Variants in PUDP observed in about 807,000 individuals in gnomAD.
PUDP encodes the protein pseudouridine 5'-phosphatase, also known as pseudouridine-5'-phosphatase.
Under a neutral mutation model 9.4 loss-of-function variants are expected in PUDP, and 8 were observed. The ratio of observed to expected loss-of-function variants is 0.85; its 90% CI spans 0.50 to 1.53. The LOEUF (loss-of-function observed/expected upper bound fraction) is 1.53. Ranked by LOEUF, PUDP falls within the 40% of genes most tolerant of loss-of-function variation. PUDP has a pLI of 0.00. For synonymous variants in PUDP, 99 were observed against 80.7 expected (o/e 1.23, Z -1.22); for missense variants, 188 against 189.7 (o/e 0.99, Z 0.05).
At chrX:6,772,930 G>C (rs1001114574) in intron 3 of PUDP, among the ~76,000 whole-genome samples, 2 of 112,051 alleles carry the variant, frequency 1.8e-5, no homozygotes, top group Admixed American at 1.9e-4. Context: ...CTGTTGATCT[G>C]ATTAGAAGGG....
chrX:6,786,945 C>T (rs1400882373), intron 3 of PUDP, among the ~76,000 whole-genome samples: 1 of 111,171 alleles, frequency 9.0e-6, no homozygotes, highest in Admixed American at 9.6e-5. Flanking sequence ...AGAGATCCTT[C>T]GATCCTTCAT....
intron 3 of PUDP, among the ~76,000 whole-genome samples, chrX:6,792,958 T>C (rs1034753938): frequency 1.2e-4 from 13 of 112,981 alleles, no homozygotes; most frequent in Non-Finnish European, 2.2e-4. Flanking sequence ...TTGAGGGGCA[T>C]AGGCCCATTT....
At chrX:7,104,426 T>A in intron 2 of PUDP, among the ~76,000 whole-genome samples, 1 of 112,075 alleles carries the variant, frequency 8.9e-6, no homozygotes, top group Non-Finnish European at 1.9e-5. Flanking sequence ...ACTTGTTCAA[T>A]GAGCACGAAG....
chrX:6,988,167 C>G (rs757808199), intron 1 of PUDP, among the ~76,000 whole-genome samples: 1 of 112,190 alleles, frequency 8.9e-6, no homozygotes, highest in East Asian at 2.8e-4. Context: ...CACGAAAAGG[C>G]AGATTTTCAA....
chrX:7,071,958 C>G (rs1203791897), intron 3 of PUDP, among the ~76,000 whole-genome samples: 1 of 110,230 alleles, frequency 9.1e-6, no homozygotes, highest in African/African-American at 3.3e-5. Flanking sequence ...TCATCATCAT[C>G]ATTATTATAT....
intron 2 of PUDP, among the ~76,000 whole-genome samples, chrX:7,105,348 T>G (rs1931848379): frequency 9.0e-6 from 1 of 111,319 alleles, no homozygotes; most frequent in African/African-American, 3.3e-5. Context: ...AATCTTTATA[T>G]ATAGTAATAT....
chrX:6,751,438 C>G (rs5989496), intron 3 of PUDP, among the ~76,000 whole-genome samples: 1 of 110,058 alleles, frequency 9.1e-6, no homozygotes, highest in Non-Finnish European at 1.9e-5. Context: ...GCACTAAGTT[C>G]TCACAATTGC....
chrX:6,881,138 G>A (rs749552293), intron 3 of PUDP, among the ~76,000 whole-genome samples: 4 of 112,215 alleles, frequency 3.6e-5, no homozygotes, highest in Non-Finnish European at 5.6e-5. Flanking sequence ...TATGGTCAAC[G>A]ATCTCAGGGT....
chrX:6,751,349 C>G (rs767954648), intron 3 of PUDP, among the ~76,000 whole-genome samples: 77 of 111,391 alleles, frequency 6.9e-4, no homozygotes, highest in African/African-American at 2.4e-3. Context: ...CCTTAGGTAA[C>G]TTGCTTGACA....
At chrX:6,920,452 T>C (rs935340804) in intron 3 of PUDP, among the ~76,000 whole-genome samples, 1 of 111,709 alleles carries the variant, frequency 9.0e-6, no homozygotes, top group Admixed American at 9.5e-5. Context: ...GAAAATTATC[T>C]TGGGCCCCCA....
intron 3 of PUDP, among the ~76,000 whole-genome samples, chrX:6,771,246 A>G (rs898850928): frequency 9.0e-6 from 1 of 111,592 alleles, no homozygotes; most frequent in African/African-American, 3.3e-5. Flanking sequence ...AAACCCATTT[A>G]ATAGATCTAC....
chrX:7,036,530 C>T (rs1212610254), intron 1 of PUDP, among the ~76,000 whole-genome samples: 2 of 109,983 alleles, frequency 1.8e-5, no homozygotes, highest in East Asian at 5.7e-4. Flanking sequence ...CCTACCACCC[C>T]CTCCCATCCC....
intron 3 of PUDP, among the ~76,000 whole-genome samples, chrX:6,826,373 C>A (rs901577069): frequency 4.5e-5 from 5 of 111,692 alleles, no homozygotes; most frequent in African/African-American, 1.6e-4. Context: ...GATTCAATGT[C>A]TCATTATTTA....
intron 3 of PUDP, among the ~76,000 whole-genome samples, chrX:6,733,613 G>A (rs1473869868): frequency 6.4e-5 from 7 of 109,566 alleles, no homozygotes; most frequent in Admixed American, 9.8e-5. Flanking sequence ...TCCAGAGAGA[G>A]ATGGTCCATA....
At chrX:6,860,705 C>T (rs1321092144) in intron 3 of PUDP, among the ~76,000 whole-genome samples, 2 of 111,516 alleles carry the variant, frequency 1.8e-5, no homozygotes, top group Non-Finnish European at 3.8e-5. Flanking sequence ...CTCCTGACCT[C>T]AGGTAATCCG....
Position 6,713,733 on chromosome X carries a change from C to T in PUDP, n.129-7267G>A. Among the ~76,000 whole-genome samples, 3 of 110,658 alleles carry T rather than the reference C, an allele frequency of 2.7e-5. 1 individual carries two copies. In the Middle Eastern group the frequency reaches 0.014, roughly 515 times the overall value. ...CTTGGCTGACACAACCAGGCCAGGG[C>T]ATAGGGTGTGGTCTGGGAGCCCGGG... On this transcript the variant is annotated intron_variant and non_coding_transcript_variant, in intron 1 of 2. Coordinates refer to the PUDP transcript ENST00000438499.
chrX:7,140,431 C>T (rs753196476), intron 1 of PUDP, among the ~76,000 whole-genome samples: 9 of 111,319 alleles, frequency 8.1e-5, no homozygotes, highest in Non-Finnish European at 1.3e-4. Context: ...TGACCAGTCG[C>T]CTGAGCATCT....
intron 3 of PUDP, among the ~76,000 whole-genome samples, chrX:6,886,412 T>A (rs954130273): frequency 8.9e-6 from 1 of 112,077 alleles, no homozygotes; most frequent in Admixed American, 9.5e-5. Flanking sequence ...TTCAAGGAAA[T>A]TTTCCAAAGC....
chrX:7,071,982 G>A (rs1276608098), intron 3 of PUDP, among the ~76,000 whole-genome samples: 2 of 110,520 alleles, frequency 1.8e-5, no homozygotes, highest in East Asian at 2.8e-4. Flanking sequence ...GTAGAGACAC[G>A]GTTTCACTAT....
Sources: allele counts gnomAD v4.1 joint callset (sites outside exome capture counted in the v4.1 genomes callset), GRCh38; gene constraint gnomAD v4.1.1; transcripts MANE v1.5; gene names NCBI Gene and HGNC (gene_info 2026-07-23, HGNC 2026-07-21).